SYNPR: variants seen among roughly 807,000 people sequenced by gnomAD.
SYNPR encodes synaptoporin.
Under a neutral mutation model 32.9 loss-of-function variants are expected in SYNPR, and 23 were observed. The observed-to-expected ratio is 0.70, with a 90% confidence interval of 0.50 to 0.99. The LOEUF (loss-of-function observed/expected upper bound fraction) is 0.99. Among genes scored for constraint, SYNPR ranks in the 50% least tolerant of loss-of-function variants. The pLI is 0.00. For synonymous variants in SYNPR, 146 were observed against 135.9 expected, an observed-to-expected ratio of 1.07 and a Z score of -0.52; for missense variants, 318 against 349.3, an observed-to-expected ratio of 0.91 and a Z score of 0.71.
At chr3:63,392,654 C>A (rs1359518066) in intron 2 of SYNPR, among the ~76,000 whole-genome samples, 1 of 152,174 alleles carries the variant, frequency 6.6e-6, no homozygotes, top group Non-Finnish European at 1.5e-5. Context: ...CCTGGTGGTT[C>A]AGCCTTAATA....
chr3:63,324,015 C>G (rs1432043576), intron 2 of SYNPR, among the ~76,000 whole-genome samples: 2 of 152,178 alleles, frequency 1.3e-5, no homozygotes, highest in Middle Eastern at 3.4e-3. Context: ...GTTTAGCCAC[C>G]TATAGTATAC....
At chr3:63,539,325 T>G (rs142026486) in intron 3 of SYNPR, among the ~76,000 whole-genome samples, 1 of 152,244 alleles carries the variant, frequency 6.6e-6, no homozygotes, top group African/African-American at 2.4e-5. Flanking sequence ...TCACAAGTTT[T>G]AATTCCTGGG....
intron 4 of SYNPR, among the ~76,000 whole-genome samples, chr3:63,599,092 C>G (rs1204683284): frequency 6.6e-6 from 1 of 152,138 alleles, no homozygotes; most frequent in Non-Finnish European, 1.5e-5. Flanking sequence ...CAGTCATGTA[C>G]CCCATTATGG....
intron 4 of SYNPR, among the ~76,000 whole-genome samples, chr3:63,564,480 C>T (rs1427819352): frequency 2.0e-5 from 3 of 148,344 alleles, no homozygotes; most frequent in Admixed American, 6.7e-5. Context: ...CAGGTGTGAG[C>T]CACCGTGCCC....
chr3:63,259,093 C>CA (rs951973836), intron 2 of SYNPR, among the ~76,000 whole-genome samples: 1 of 151,836 alleles, frequency 6.6e-6, no homozygotes, highest in Admixed American at 6.6e-5. Context: ...ATCTTACCAA[C>CA]AAAAAAAATC....
At chr3:63,284,241 A>G (rs1022017152) in intron 2 of SYNPR, among the ~76,000 whole-genome samples, 4 of 152,178 alleles carry the variant, frequency 2.6e-5, no homozygotes, top group Non-Finnish European at 4.4e-5. Flanking sequence ...TTGTACCTGT[A>G]GATTTATGTG....
the SYNPR span, among the ~76,000 whole-genome samples, chr3:63,207,013 C>G: frequency 2.0e-5 from 3 of 152,176 alleles, no homozygotes; most frequent in African/African-American, 7.2e-5. Context: ...TAAAGAGAAG[C>G]ACCAGGCTCT....
At chr3:63,613,077 A>G (rs1299638257) in intron 5 of SYNPR, among the ~76,000 whole-genome samples, 2 of 150,808 alleles carry the variant, frequency 1.3e-5, no homozygotes, top group Admixed American at 1.3e-4. Flanking sequence ...GGCTCAAGGG[A>G]TACTGCTGCC....
At chr3:63,461,430 A>C (rs1449726805) in intron 2 of SYNPR, among the ~76,000 whole-genome samples, 1 of 152,054 alleles carries the variant, frequency 6.6e-6, no homozygotes, top group Non-Finnish European at 1.5e-5. Context: ...GCCTCCTTTT[A>C]CTCGAGCAAG....
chr3:63,587,539 C>G (rs555276624), intron 4 of SYNPR, among the ~76,000 whole-genome samples: 2 of 152,120 alleles, frequency 1.3e-5, no homozygotes, highest in South Asian at 4.1e-4. Context: ...TCAGCAGTTT[C>G]TTCCCATTTT....
chr3:63,376,421 TAACATCGTATATGATA>T (rs1424617028), intron 2 of SYNPR, among the ~76,000 whole-genome samples: 2 of 152,180 alleles, frequency 1.3e-5, no homozygotes, highest in African/African-American at 4.8e-5. Flanking sequence ...TCCTGGCCTA[TAACATCGTATATGATA>T]AGACTGCTTT....
intron 2 of SYNPR, among the ~76,000 whole-genome samples, chr3:63,375,691 C>T (rs2087880864): frequency 6.6e-6 from 1 of 152,098 alleles, no homozygotes; most frequent in Admixed American, 6.6e-5. Context: ...GCACGTTGTG[C>T]ATATGTACCC....
chr3:63,450,346 G>C (rs141603030), intron 2 of SYNPR, among the ~76,000 whole-genome samples: 1 of 152,144 alleles, frequency 6.6e-6, no homozygotes, highest in Non-Finnish European at 1.5e-5. Context: ...TCTCTTGCTG[G>C]TGACTCTACA....
chr3:63,606,283 A>G (rs956567131), intron 4 of SYNPR, among the ~76,000 whole-genome samples: 7 of 152,156 alleles, frequency 4.6e-5, no homozygotes, highest in Non-Finnish European at 8.8e-5. Context: ...AAGGGATAAA[A>G]GGTTGAACCA....
intron 2 of SYNPR, among the ~76,000 whole-genome samples, chr3:63,283,587 A>G (rs1171023056): frequency 6.6e-6 from 1 of 151,512 alleles, no homozygotes; most frequent in African/African-American, 2.4e-5. Flanking sequence ...ACTCTGGAAA[A>G]CTAAGTTGGC....
At chr3:63,520,799 A>G (rs1031600128) in intron 3 of SYNPR, among the ~76,000 whole-genome samples, 2 of 152,196 alleles carry the variant, frequency 1.3e-5, no homozygotes, top group African/African-American at 4.8e-5. Context: ...CAGCAAAGCC[A>G]TGATTTGGCC....
At chr3:63,313,978 T>TCC (rs1327779015) in intron 2 of SYNPR, among the ~76,000 whole-genome samples, 6 of 29,050 alleles carry the variant, frequency 2.1e-4, no homozygotes, top group African/African-American at 7.8e-4. Flanking sequence ...TATATCCATA[T>TCC]ATATATATAT....
chr3:63,451,958 T>C lies in SYNPR; in HGVS notation c.85-28874T>C, dbSNP rs1700386809. 4.8e-6 allele frequency: 3 copies of C among 627,472 alleles called. No individual in the cohort carries two copies. In the African/African-American group the frequency reaches 5.5e-5, roughly 12 times the overall value. 38.9% of individuals were successfully genotyped at this position (627,472 alleles called of 1,614,324 possible). ...GCTCACCTCTTCACTCTGAGTGGTA[T>C]TTATAAACTCCTCAACTTCTGAGGC... On this transcript the variant is annotated intron_variant, in intron 2 of 5. Coordinates refer to ENST00000478300, the MANE Select transcript of SYNPR (RefSeq NM_001130003.2).
At chr3:63,502,333 TTATCAA>T (rs1701497484) in intron 3 of SYNPR, among the ~76,000 whole-genome samples, 1 of 151,560 alleles carries the variant, frequency 6.6e-6, no homozygotes, top group Admixed American at 6.6e-5. Context: ...CCTTCCCCCT[TTATCAA>T]TATCCCCCAC....
Sources: gnomAD v4.1 joint callset for allele counts (sites outside exome capture counted in the v4.1 genomes callset) on GRCh38, gnomAD v4.1.1 for gene constraint, MANE v1.5 for transcripts, NCBI Gene and HGNC (gene_info 2026-07-23, HGNC 2026-07-21) for gene names.